ROBO1: variants seen among roughly 807,000 people sequenced by gnomAD.
ROBO1 encodes roundabout homolog 1.
ROBO1 carries 149 observed loss-of-function variants against 195.9 expected under a neutral mutation model. The ratio of observed to expected loss-of-function variants is 0.76; its 90% confidence interval spans 0.67 to 0.87. The LOEUF (loss-of-function observed/expected upper bound fraction) is 0.87. ROBO1 is among the 40% of genes least tolerant of loss of function. The pLI, the probability that ROBO1 is intolerant of heterozygous loss-of-function variation, is 0.00. For synonymous variants in ROBO1, 816 were observed against 733.2 expected (o/e 1.11, Z -1.82); for missense variants, 1,933 against 2,068.3 (o/e 0.93, Z 1.27).
At chr3:79,699,655 G>GTT (rs61351890) in intron 1 of ROBO1, among the ~76,000 whole-genome samples, 11 of 148,984 alleles carry the variant, frequency 7.4e-5, no homozygotes, top group Non-Finnish European at 1.5e-4. Flanking sequence ...GTATGTTGTT[G>GTT]TTTTTTTTTC....
intron 2 of ROBO1, among the ~76,000 whole-genome samples, chr3:79,566,064 T>G (rs941296944): frequency 6.6e-6 from 1 of 152,046 alleles, no homozygotes; most frequent in Non-Finnish European, 1.5e-5. Flanking sequence ...AACTCTTGAG[T>G]CTTCCTTTTA....
intron 2 of ROBO1, among the ~76,000 whole-genome samples, chr3:79,199,457 C>G (rs1364252447): frequency 6.6e-6 from 1 of 151,760 alleles, no homozygotes; most frequent in East Asian, 1.9e-4. Flanking sequence ...ATGGCTCCAA[C>G]TGGAATTTTA....
chr3:79,687,411 G>T (rs1204971085), intron 1 of ROBO1, among the ~76,000 whole-genome samples: 2 of 152,140 alleles, frequency 1.3e-5, no homozygotes, highest in Non-Finnish European at 2.9e-5. Flanking sequence ...CACAGCAAAA[G>T]AAACTACTAT....
chr3:79,243,164 C>T (rs1427103824), intron 2 of ROBO1, among the ~76,000 whole-genome samples: 1 of 151,978 alleles, frequency 6.6e-6, no homozygotes, highest in Non-Finnish European at 1.5e-5. Context: ...GACATGAACT[C>T]ATCATTTTTT....
chr3:79,072,977 G>A (rs1285550882), intron 3 of ROBO1, among the ~76,000 whole-genome samples: 1 of 151,934 alleles, frequency 6.6e-6, no homozygotes, highest in African/African-American at 2.4e-5. Context: ...ATGGAGAGAT[G>A]AGAATTGTAA....
At chr3:78,923,326 T>C (rs760267019) in intron 4 of ROBO1, among the ~76,000 whole-genome samples, 9 of 152,110 alleles carry the variant, frequency 5.9e-5, no homozygotes, top group Non-Finnish European at 1.2e-4. Context: ...AACTCAATGG[T>C]AAGCAAAAAT....
At chr3:78,876,297 T>C (rs986099918) in intron 4 of ROBO1, among the ~76,000 whole-genome samples, 9 of 152,064 alleles carry the variant, frequency 5.9e-5, no homozygotes, top group Non-Finnish European at 1.5e-5. Context: ...TGCATGGATT[T>C]AGAGACAACT....
intron 3 of ROBO1, among the ~76,000 whole-genome samples, chr3:78,956,178 T>C (rs1030016693): frequency 6.6e-6 from 1 of 152,136 alleles, no homozygotes. Flanking sequence ...AAATGAGTAA[T>C]TAGTAATCTT....
At chr3:78,964,267 AT>A (rs2041558771) in intron 3 of ROBO1, among the ~76,000 whole-genome samples, 1 of 152,188 alleles carries the variant, frequency 6.6e-6, no homozygotes, top group Admixed American at 6.5e-5. Context: ...TCTTCAGATA[AT>A]GTCACATTCA....
At chr3:79,693,276 A>C (rs1947346601) in intron 1 of ROBO1, among the ~76,000 whole-genome samples, 1 of 151,914 alleles carries the variant, frequency 6.6e-6, no homozygotes, top group Non-Finnish European at 1.5e-5. Context: ...GTCAATTAAA[A>C]ATAAAATTAT....
chr3:79,280,957 C>T (rs1336268601), intron 2 of ROBO1, among the ~76,000 whole-genome samples: 3 of 152,100 alleles, frequency 2.0e-5, no homozygotes, highest in Non-Finnish European at 4.4e-5. Flanking sequence ...GGGGCCAGTA[C>T]GGGTCCATGA....
intron 2 of ROBO1, among the ~76,000 whole-genome samples, chr3:79,313,875 T>C (rs1386363876): frequency 6.6e-6 from 1 of 152,174 alleles, no homozygotes; most frequent in Admixed American, 6.5e-5. Flanking sequence ...TAGTCACTAT[T>C]TAAAAGTACT....
At chr3:79,400,669 C>T (rs761045078) in intron 2 of ROBO1, among the ~76,000 whole-genome samples, 15 of 151,868 alleles carry the variant, frequency 9.9e-5, no homozygotes, top group Non-Finnish European at 1.8e-4. Flanking sequence ...AGGAAAATGT[C>T]CATTCTAAAT....
At chr3:79,697,445 G>A (rs1947480699) in intron 1 of ROBO1, among the ~76,000 whole-genome samples, 2 of 151,260 alleles carry the variant, frequency 1.3e-5, no homozygotes, top group South Asian at 2.1e-4. Context: ...CATATCTTAA[G>A]GAGAATAAAA....
chr3:78,908,315 C>T (rs2107521191), intron 4 of ROBO1, among the ~76,000 whole-genome samples: 1 of 151,948 alleles, frequency 6.6e-6, no homozygotes, highest in East Asian at 1.9e-4. Context: ...TCAAGAAAAC[C>T]AGCTATTTCC....
At chr3:78,802,700 C>T (rs548021114) in intron 4 of ROBO1, among the ~76,000 whole-genome samples, 356 of 130,026 alleles carry the variant, frequency 2.7e-3, no homozygotes, top group Non-Finnish European at 4.6e-3. Context: ...AAGGAGCCTG[C>T]GGTCTAGCAT....
At chr3:78,878,169 G>A (rs893475171) in intron 4 of ROBO1, among the ~76,000 whole-genome samples, 2 of 152,058 alleles carry the variant, frequency 1.3e-5, no homozygotes, top group Non-Finnish European at 2.9e-5. Context: ...AATCCAGGCT[G>A]TCACAATGAA....
At chr3:79,210,368 A>G (rs1021816822) in intron 2 of ROBO1, among the ~76,000 whole-genome samples, 1 of 152,166 alleles carries the variant, frequency 6.6e-6, no homozygotes. Flanking sequence ...AAAGCCAAAT[A>G]TTTACAGCCA....
At chr3:78,873,418 T>C (rs1420267641) in intron 4 of ROBO1, among the ~76,000 whole-genome samples, 1 of 152,170 alleles carries the variant, frequency 6.6e-6, no homozygotes, top group Admixed American at 6.6e-5. Context: ...TGTCTATGAA[T>C]TGAAACCCCA....
Sources: allele counts gnomAD v4.1 joint callset (sites outside exome capture counted in the v4.1 genomes callset), GRCh38; gene constraint gnomAD v4.1.1; transcripts MANE v1.5; gene names NCBI Gene and HGNC (gene_info 2026-07-23, HGNC 2026-07-21).